Variants in BAIAP2 observed in about 807,000 individuals in gnomAD.
BAIAP2 encodes BAR/IMD domain-containing adapter protein 2.
BAIAP2 carries 18 observed loss-of-function variants against 63.0 expected under a neutral mutation model. That is an observed-to-expected ratio of 0.29 (90% CI 0.20 to 0.42). The LOEUF (loss-of-function observed/expected upper bound fraction) is 0.42. BAIAP2 is among the 10% of genes least tolerant of loss of function. The pLI is 1.00. For missense variants in BAIAP2, 610 were observed against 734.3 expected (o/e 0.83, Z 1.96); for synonymous variants, 386 against 307.6 (o/e 1.25, Z -2.67).
At chr17:81,061,525 C>T (rs797015698) in intron 3 of BAIAP2, among the ~76,000 whole-genome samples, 10 of 152,256 alleles carry the variant, frequency 6.6e-5, no homozygotes, top group African/African-American at 1.4e-4. Context: ...AACCATACGG[C>T]GTGTCTTCTT....
chr17:81,055,632 C>T (rs1415340681), intron 2 of BAIAP2, among the ~76,000 whole-genome samples: 1 of 142,050 alleles, frequency 7.0e-6, no homozygotes, highest in Non-Finnish European at 1.5e-5. Context: ...GTGGCGCTAT[C>T]TTGGCTCCCT....
In BAIAP2 at chr17:81,104,005, C is replaced by T. The variant is rs770418837; in HGVS notation, c.963C>T (p.Pro321=). The change falls in exon 9 of 14, where the codon CCC becomes CCT. Residue 321 remains proline (P), a synonymous_variant. Transcript: ENST00000428708. ...SPWADRKAAQ[P]KSLSPPQSQS... ...GGGCTGACCGCAAGGCTGCCCAGCC[C>T]AAATCCCTGTCTCCTCCGCAGTCTC... 40 of 1,613,176 alleles carry T rather than the reference C, an allele frequency of 2.5e-5. No individual in the cohort carries two copies. In the South Asian group the frequency reaches 4.4e-4, roughly 18 times the overall value.
chr17:81,106,312 G>GGTGGAGGCATGGTGGTGCCCTGTGCA (rs2059176301), intron 11 of BAIAP2, among the ~76,000 whole-genome samples, 166 bp downstream of exon 11: 1 of 152,204 alleles, frequency 6.6e-6, no homozygotes, highest in Admixed American at 6.5e-5. Flanking sequence ...AGGCCTTCAG[G>GGTGGAGGCATGGTGGTGCCCTGTGCA]GTGGAGGCAT....
At chr17:81,113,484 G>A (rs2060145388) in intron 13 of BAIAP2, among the ~76,000 whole-genome samples, 1 of 152,220 alleles carries the variant, frequency 6.6e-6, no homozygotes, top group Non-Finnish European at 1.5e-5. Flanking sequence ...CTCCCCGCCG[G>A]CCTCCTGGGC....
chr17:81,100,685 G>A (rs965329589), intron 7 of BAIAP2, among the ~76,000 whole-genome samples: 8 of 152,140 alleles, frequency 5.3e-5, no homozygotes, highest in Non-Finnish European at 7.4e-5. Context: ...CTCGGCTGTC[G>A]TACGTGGACC....
Position 81,110,193 on chromosome 17 carries a change from C to T in BAIAP2, c.1535+1684C>T, listed in dbSNP as rs2059741090. 9 of 985,602 alleles carry T rather than the reference C, an allele frequency of 9.1e-6. No homozygotes were observed. In the South Asian group the frequency reaches 4.2e-4, roughly 46 times the overall value. The allele number at this position is 985,602 out of a possible 1,614,324, so 61.1% of individuals were successfully genotyped here. A position where few individuals can be genotyped will look rare whatever the true frequency, so the allele number is the denominator to read the frequency against. ...TTTAGTAAAAGCCTCCCACACACCTCCCCGTGGCCTGGGACGTGGCTGGTA... is the reference window on the plus strand; with the variant it reads ...TTTAGTAAAAGCCTCCCACACACCTTCCCGTGGCCTGGGACGTGGCTGGTA... On this transcript the variant is annotated intron_variant, in intron 13 of 13. Coordinates refer to ENST00000428708, the MANE Select transcript of BAIAP2 (RefSeq NM_001144888.2).
intron 3 of BAIAP2, among the ~76,000 whole-genome samples, chr17:81,062,399 C>T (rs1397680275): frequency 6.6e-6 from 1 of 151,076 alleles, no homozygotes; most frequent in Non-Finnish European, 1.5e-5. Flanking sequence ...GACGCCTTTG[C>T]TTTTCTGGAG....
chr17:81,106,427 G>GTCCCAGGTCCTCCAGGTTC (rs1219270723), intron 11 of BAIAP2, among the ~76,000 whole-genome samples: 20 of 152,178 alleles, frequency 1.3e-4, no homozygotes, highest in African/African-American at 4.8e-4. Flanking sequence ...GGACCTGGCT[G>GTCCCAGGTCCTCCAGGTTC]TCCCAGGTCC....
At chr17:81,082,726 C>T (rs550489450) in intron 3 of BAIAP2, among the ~76,000 whole-genome samples, 32 of 152,314 alleles carry the variant, frequency 2.1e-4, no homozygotes, top group Non-Finnish European at 3.8e-4. Context: ...TAGCAGTTGC[C>T]AGCATGAGGG....
At chr17:81,038,234 C>T (rs2046564031) in intron 1 of BAIAP2, among the ~76,000 whole-genome samples, 1 of 152,252 alleles carries the variant, frequency 6.6e-6, no homozygotes, top group South Asian at 2.1e-4. Flanking sequence ...CTGCAGCCCT[C>T]TTGGGGAAGC....
intron 3 of BAIAP2, among the ~76,000 whole-genome samples, chr17:81,080,513 G>A (rs2054423332): frequency 2.0e-5 from 3 of 152,228 alleles, no homozygotes; most frequent in Admixed American, 6.5e-5. Flanking sequence ...GCAGCTGCAC[G>A]GGCGGGTGGT....
intron 2 of BAIAP2, 178 bp from the exon 3 acceptor site, chr17:81,057,703 A>G (rs867532373): frequency 1.4e-6 from 2 of 1,384,514 alleles, no homozygotes; most frequent in Non-Finnish European, 1.9e-6. Flanking sequence ...TGAAACAAGA[A>G]TATCAACAAG....
chr17:81,078,637 G>A (rs137897104), intron 3 of BAIAP2, among the ~76,000 whole-genome samples: 135 of 143,462 alleles, frequency 9.4e-4, no homozygotes, highest in Non-Finnish European at 1.6e-3. Context: ...GGGTGCAGGT[G>A]CCATCTCCGA....
intron 1 of BAIAP2, chr17:81,036,884 C>T (rs1276819424): frequency 2.0e-6 from 3 of 1,535,806 alleles, no homozygotes; most frequent in East Asian, 2.4e-5. Flanking sequence ...GAAGTACCAG[C>T]GGAACCTTTT....
Position 81,116,440 on chromosome 17 carries a change from C to CA in BAIAP2, c.*602dup. On this transcript the variant is annotated 3_prime_UTR_variant, in exon 14 of 14. Transcript: ENST00000428708. The stretch of plus-strand genomic sequence containing the variant: ...ACTGGCAATGTCACAAGGGCCTCCC[C>CA]AGGCCCCTCCTGCCTCGGGCAGGCC... 1 of 1,183,478 alleles carries CA rather than the reference C, an allele frequency of 8.4e-7. No homozygotes were observed. The allele number at this position is 1,183,478 out of a possible 1,614,324, so 73.3% of individuals were successfully genotyped here.
intron 6 of BAIAP2, among the ~76,000 whole-genome samples, chr17:81,095,838 C>T (rs902577336): frequency 6.6e-5 from 10 of 152,182 alleles, no homozygotes; most frequent in Admixed American, 5.2e-4. Flanking sequence ...AAGTGGAAGA[C>T]TTAAAAATAA....
intron 3 of BAIAP2, 28 bp downstream of exon 3, chr17:81,057,995 G>A (rs1334063517): frequency 1.6e-6 from 2 of 1,266,190 alleles, no homozygotes; most frequent in Admixed American, 2.3e-5. Context: ...CCCCCGCCTG[G>A]TAGTCGCCTG....
At chr17:81,072,726 T>C (rs2052919372) in intron 3 of BAIAP2, among the ~76,000 whole-genome samples, 1 of 152,094 alleles carries the variant, frequency 6.6e-6, no homozygotes, top group Non-Finnish European at 1.5e-5. Flanking sequence ...AGGCTCTGCC[T>C]TTCTTTCATT....
intron 3 of BAIAP2, among the ~76,000 whole-genome samples, chr17:81,067,794 A>G (rs1400190068): frequency 6.6e-6 from 1 of 152,236 alleles, no homozygotes; most frequent in Non-Finnish European, 1.5e-5. Flanking sequence ...CGGCCAGAGC[A>G]GGGAGGACAG....
Sources: gnomAD v4.1 joint callset for allele counts (sites outside exome capture counted in the v4.1 genomes callset) on GRCh38, gnomAD v4.1.1 for gene constraint, MANE v1.5 for transcripts, NCBI Gene and HGNC (gene_info 2026-07-23, HGNC 2026-07-21) for gene names.